Variants in GNAS observed in about 807,000 individuals in gnomAD.
The protein encoded by GNAS is protein ALEX.
GNAS carries 8 observed loss-of-function variants against 54.5 expected under a neutral mutation model. The observed-to-expected ratio is 0.15, with a 90% CI of 0.09 to 0.26. The LOEUF is 0.26. Among genes scored for constraint, GNAS ranks in the 10% least tolerant of loss-of-function variants. The probability of loss-of-function intolerance (pLI) is 1.00; values close to 1 mark genes in which losing one functional copy is unlikely to be tolerated. For synonymous variants in GNAS, 204 were observed against 191.4 expected (o/e 1.07, Z -0.54); for missense variants, 170 against 529.8 (o/e 0.32, Z 6.67).
upstream of GNAS, chr20:58,839,874 C>T: frequency 1.7e-6 from 1 of 597,696 alleles, no homozygotes; most frequent in Non-Finnish European, 3.0e-6. Flanking sequence ...TTTTTCCCAT[C>T]CCTTCTTCTT....
At chr20:58,861,917 C>T (rs1170513594) in intron 1 of GNAS, among the ~76,000 whole-genome samples, 3 of 151,926 alleles carry the variant, frequency 2.0e-5, no homozygotes, top group South Asian at 2.1e-4. Context: ...GTTGGTCAGG[C>T]GGGTCTCGAA....
chr20:58,903,601 T>C lies in GNAS; in HGVS notation c.312+16T>C. On this transcript the variant is annotated intron_variant, in intron 4 of 12. Transcript: ENST00000371085. ...GGCGATTGAAGTACGTGCTGGCTCC[T>C]TGTGCTGTCTGTCTTGTAGCGCCCT... The C allele has an allele frequency of 6.2e-7, 1 of 1,614,084 alleles. No individual in the cohort carries two copies. Among genetic ancestry groups the C allele is most frequent in the Non-Finnish European group, 8.5e-7 (1 of 1,179,934 alleles).
At chr20:58,868,189 T>C (rs11699704) in intron 1 of GNAS, among the ~76,000 whole-genome samples, 20,251 of 151,978 alleles carry the variant, frequency 0.13, 1,437 homozygotes, top group African/African-American at 0.17. Context: ...CATAGCTAAT[T>C]ATGTATTTTT....
chr20:58,855,385 A>AG, intron 1 of GNAS: 2 of 1,288,016 alleles, frequency 1.6e-6, no homozygotes, highest in Non-Finnish European at 2.1e-6. Context: ...GGAACCGGGG[A>AG]GGGGGTGGCA....
At chr20:58,901,578 C>T (rs1300283989) in intron 3 of GNAS, among the ~76,000 whole-genome samples, 1 of 151,602 alleles carries the variant, frequency 6.6e-6, no homozygotes, top group African/African-American at 2.4e-5. Flanking sequence ...CCCAGACACC[C>T]CCCACCACTA....
upstream of GNAS, chr20:58,889,303 G>A (rs2145856231): frequency 1.0e-6 from 1 of 990,074 alleles, no homozygotes; most frequent in Non-Finnish European, 1.2e-6. Context: ...GCGGGGCGGC[G>A]GCGGGCGGCC....
intron 1 of GNAS, among the ~76,000 whole-genome samples, chr20:58,877,280 G>T (rs748278079): frequency 1.3e-5 from 2 of 152,090 alleles, no homozygotes; most frequent in East Asian, 1.9e-4. Flanking sequence ...CAGTTGGAGA[G>T]GGGGAGAGAA....
chr20:58,895,773 T>G (rs1380222330), intron 2 of GNAS, 89 bp downstream of exon 2: 2 of 824,126 alleles, frequency 2.4e-6, no homozygotes, highest in Non-Finnish European at 2.1e-6. Flanking sequence ...CTTTGGGGGC[T>G]GGGCAGCCAG....
intron 1 of GNAS, chr20:58,855,147 C>A (rs2086411285): frequency 6.2e-7 from 1 of 1,613,048 alleles, no homozygotes; most frequent in African/African-American, 1.3e-5. Flanking sequence ...GAGTCCCCAG[C>A]CCAAAGCCTC....
Position 58,841,640 on chromosome 20 carries a change from C to A in GNAS, c.43+754C>A, listed in dbSNP as rs926692325. ...CGCGCGCGCCGGAGCTGACCTCTCC[C>A]GGCGGCGGGCGGTTAGGGGAAAGTA... On this transcript the variant is annotated intron_variant, in intron 1 of 12. Transcript: ENST00000306090. The surrounding 1 kb of genome is among the most constrained non-coding windows in gnomAD (Gnocchi z 5.0). 10 of 1,095,414 alleles carry A rather than the reference C, an allele frequency of 9.1e-6. No individual in the cohort carries two copies. Among genetic ancestry groups the A allele is most frequent in the Non-Finnish European group, 1.0e-5 (9 of 901,236 alleles). 67.9% of individuals were successfully genotyped at this position (1,095,414 alleles called of 1,614,324 possible). A position where few individuals can be genotyped will look rare whatever the true frequency, so the allele number is the denominator to read the frequency against.
At chr20:58,880,304 T>C (rs1472113684) in intron 1 of GNAS, among the ~76,000 whole-genome samples, 2 of 152,214 alleles carry the variant, frequency 1.3e-5, no homozygotes, top group Non-Finnish European at 2.9e-5. Context: ...CTTACTTATT[T>C]TCCCTCGGGG....
Position 58,853,194 on chromosome 20 carries a change from T to G in GNAS, c.43+12308T>G, listed in dbSNP as rs2086252462. The G allele has an allele frequency of 6.9e-7, 1 of 1,456,650 alleles. No homozygotes were observed. Among genetic ancestry groups the G allele is most frequent in the African/African-American group, 1.4e-5 (1 of 69,644 alleles). 90.2% of individuals were successfully genotyped at this position (1,456,650 alleles called of 1,614,324 possible). On this transcript the variant is annotated intron_variant, in intron 1 of 12. Coordinates refer to the GNAS transcript ENST00000306090. This position sits in a 1 kb window ranked among gnomAD's most constrained non-coding sequence, Gnocchi z 4.4. ...GATTTTAAAATAATAATAATAATTT[T>G]TTCACCCTAGTTCGGTTGGGTGCTC...
chr20:58,874,832 G>A (rs2087704234), intron 1 of GNAS, among the ~76,000 whole-genome samples: 1 of 152,224 alleles, frequency 6.6e-6, no homozygotes, highest in Non-Finnish European at 1.5e-5. Flanking sequence ...AATGCAGATA[G>A]AGATAGTCTA....
chr20:58,877,260 A>G (rs926357047), intron 1 of GNAS, among the ~76,000 whole-genome samples: 2 of 151,782 alleles, frequency 1.3e-5, no homozygotes, highest in African/African-American at 2.4e-5. Flanking sequence ...TCACTGCCAA[A>G]TGACAGATGC....
intron 2 of GNAS, chr20:58,898,117 G>GAACAAAACAAA (rs1206932135): frequency 6.6e-6 from 1 of 152,142 alleles, no homozygotes; most frequent in East Asian, 1.9e-4. Flanking sequence ...TTAGTGCCAG[G>GAACAAAACAAA]AACAAAACAA....
In GNAS at chr20:58,863,665, C is replaced by CGA. The variant is rs2086889924; in HGVS notation, c.43+22780_43+22781dup. 2 of 152,438 alleles carry CGA rather than the reference C, an allele frequency of 1.3e-5. No homozygotes were observed. The highest frequency in any genetic ancestry group is 3.9e-4 in the East Asian group (2 of 5,182). The allele number at this position is 152,438 out of a possible 1,614,324, so 9.4% of individuals were successfully genotyped here. A position where few individuals can be genotyped will look rare whatever the true frequency, so the allele number is the denominator to read the frequency against. On this transcript the variant is annotated intron_variant, in intron 1 of 12. Transcript: ENST00000306090. The surrounding 1 kb of genome is among the most constrained non-coding windows in gnomAD (Gnocchi z 4.1). ...CTCAGTGTCACCACTGAGTGAGCAT[C>CGA]GATTCTTACAAGGAAATTAAGACTT...
At chr20:58,842,003 T>C in intron 1 of GNAS, 3 of 889,052 alleles carry the variant, frequency 3.4e-6, no homozygotes, top group Non-Finnish European at 4.4e-6. Context: ...CGCCAGTCCT[T>C]GGACGATCAG....
intron 2 of GNAS, 153 bp from the exon 3 acceptor site, chr20:58,898,788 G>A (rs761561634): frequency 5.2e-5 from 40 of 771,312 alleles, no homozygotes; most frequent in African/African-American, 1.4e-4. Flanking sequence ...CCAGAAAGGC[G>A]ACCTAAGAAT....
chr20:58,882,438 G>A (rs1287749592), intron 1 of GNAS, among the ~76,000 whole-genome samples: 2 of 152,176 alleles, frequency 1.3e-5, no homozygotes, highest in Admixed American at 6.5e-5. Context: ...CATGTCTTCC[G>A]TGCTTGTGGC....
Sources: gnomAD v4.1 joint callset for allele counts (sites outside exome capture counted in the v4.1 genomes callset) on GRCh38, gnomAD v4.1.1 for gene constraint, Gnocchi (gnomAD v3.1) non-coding constraint, MANE v1.5 for transcripts, NCBI Gene and HGNC (gene_info 2026-07-23, HGNC 2026-07-21) for gene names.